Variants in JARID2 observed in about 807,000 individuals in gnomAD.
JARID2 encodes the protein jumonji and AT-rich interaction domain containing 2.
A neutral mutation model predicts 125.6 loss-of-function variants in JARID2; 21 were observed. That is an observed-to-expected ratio of 0.17 (90% confidence interval 0.12 to 0.24). JARID2 has a LOEUF of 0.24. Ranked by LOEUF, JARID2 falls within the 10% of genes least tolerant of loss-of-function variation. The pLI is 1.00. For synonymous variants in JARID2, 736 were observed against 661.6 expected (o/e 1.11, Z -1.73); for missense variants, 1,303 against 1,639.6 (o/e 0.79, Z 3.55).
intron 2 of JARID2, among the ~76,000 whole-genome samples, chr6:15,375,724 T>C (rs1224729680): frequency 6.6e-6 from 1 of 152,182 alleles, no homozygotes; most frequent in African/African-American, 2.4e-5. Context: ...TCTTGCTTGA[T>C]TAAATGTGGG....
chr6:15,504,412 G>A lies in JARID2; in HGVS notation c.2449-88G>A, dbSNP rs940781678. 1.6e-5 allele frequency: 15 copies of A among 928,492 alleles called. 1 individual carries two copies. The African/African-American group carries it at 2.3e-4, about 14-fold the overall frequency. The allele number at this position is 928,492 out of a possible 1,614,324, so 57.5% of individuals were successfully genotyped here. A position where few individuals can be genotyped will look rare whatever the true frequency, so the allele number is the denominator to read the frequency against. ...GCCCACAGCCGCAGGGACGCCAAGG[G>A]GCAGCGGCCCATGACAGGTGTCTGG... is the stretch of plus-strand genomic sequence containing the variant. On this transcript the variant is annotated intron_variant, in intron 8 of 17. Coordinates refer to ENST00000341776, the MANE Select transcript of JARID2 (RefSeq NM_004973.4).
At chr6:15,442,499 A>G (rs1430248525) in intron 3 of JARID2, among the ~76,000 whole-genome samples, 1 of 152,092 alleles carries the variant, frequency 6.6e-6, no homozygotes, top group Non-Finnish European at 1.5e-5. Context: ...CTGCCTTAAG[A>G]TCTATCTGCT....
chr6:15,386,255 C>G (rs1264678911), intron 2 of JARID2, among the ~76,000 whole-genome samples: 1 of 151,030 alleles, frequency 6.6e-6, no homozygotes, highest in Non-Finnish European at 1.5e-5. Flanking sequence ...TCTCCCTCTC[C>G]CTGTTCTTCT....
At chr6:15,284,679 G>T (rs1421622400) in intron 1 of JARID2, among the ~76,000 whole-genome samples, 1 of 151,928 alleles carries the variant, frequency 6.6e-6, no homozygotes, top group Non-Finnish European at 1.5e-5. Context: ...TAGAGACGGG[G>T]TTTTACCATA....
intron 1 of JARID2, among the ~76,000 whole-genome samples, chr6:15,252,596 GTTCAGAAGC>G (rs1288704478): frequency 6.6e-6 from 1 of 152,228 alleles, no homozygotes; most frequent in Non-Finnish European, 1.5e-5. Context: ...AATTCATGGA[GTTCAGAAGC>G]TTCTATCTTG....
At chr6:15,447,262 T>C (rs1767714592) in intron 3 of JARID2, among the ~76,000 whole-genome samples, 1 of 152,198 alleles carries the variant, frequency 6.6e-6, no homozygotes, top group African/African-American at 2.4e-5. Context: ...CTTGATTTGA[T>C]CTTTTCACCT....
chr6:15,515,751 T>TA (rs57890964), intron 16 of JARID2, among the ~76,000 whole-genome samples: 70,159 of 145,900 alleles, frequency 0.48, 18,187 homozygotes, highest in East Asian at 0.66. Context: ...CCTGTCTCTT[T>TA]AAAAAAAAAA....
chr6:15,458,145 T>C (rs1200771982), intron 4 of JARID2, among the ~76,000 whole-genome samples: 2 of 152,246 alleles, frequency 1.3e-5, no homozygotes, highest in East Asian at 3.8e-4. Flanking sequence ...CCGTATTCCC[T>C]GTCACCACTC....
At chr6:15,340,862 G>C (rs1250984736) in intron 1 of JARID2, among the ~76,000 whole-genome samples, 1 of 152,174 alleles carries the variant, frequency 6.6e-6, no homozygotes, top group Non-Finnish European at 1.5e-5. Context: ...CCTGAAGTCA[G>C]CTATGGGATT....
At chr6:15,332,930 CTTTTCTTTTTTTT>C (rs1364668354) in intron 1 of JARID2, among the ~76,000 whole-genome samples, 67 of 82,834 alleles carry the variant, frequency 8.1e-4, no homozygotes, top group South Asian at 2.3e-3. Flanking sequence ...CTTTTCTTTT[CTTTTCTTTTTTTT>C]TTTTTTTTTT....
At chr6:15,370,758 C>A (rs1581467817) in intron 1 of JARID2, among the ~76,000 whole-genome samples, 1 of 152,192 alleles carries the variant, frequency 6.6e-6, no homozygotes, top group Admixed American at 6.5e-5. Flanking sequence ...TCCTCTCCCC[C>A]ATCTTGGATA....
chr6:15,367,664 C>T (rs182674175), intron 1 of JARID2, among the ~76,000 whole-genome samples: 90 of 152,270 alleles, frequency 5.9e-4, no homozygotes, highest in African/African-American at 2.0e-3. Flanking sequence ...AAAAGTTTCA[C>T]GATTACTTCG....
chr6:15,341,483 C>T (rs1015622128), intron 1 of JARID2, among the ~76,000 whole-genome samples: 1 of 152,216 alleles, frequency 6.6e-6, no homozygotes, highest in Non-Finnish European at 1.5e-5. Flanking sequence ...TGCCAGCAAC[C>T]TTGCCTACCC....
chr6:15,335,260 C>T (rs891470184), intron 1 of JARID2, among the ~76,000 whole-genome samples: 16 of 152,174 alleles, frequency 1.1e-4, no homozygotes, highest in South Asian at 6.2e-4. Context: ...CCACTATGCC[C>T]GGCTAATTTT....
chr6:15,519,551 T>C lies in JARID2; in HGVS notation c.3559-518T>C, dbSNP rs181861031. 5.3e-5 allele frequency among the ~76,000 whole-genome samples: 8 copies of C among 152,312 alleles called. No homozygotes were observed. The East Asian group carries it at 1.5e-3, about 29-fold the overall frequency. ...GTTGTTTTTAAAAATGATATGATTA[T>C]AGGATGTACTGTGTGAAAGTTACAA... On this transcript the variant is annotated intron_variant, in intron 17 of 17. Coordinates refer to ENST00000341776, the MANE Select transcript of JARID2 (RefSeq NM_004973.4).
chr6:15,517,467 G>A (rs994608532), intron 17 of JARID2, among the ~76,000 whole-genome samples, 199 bp downstream of exon 17: 1 of 152,182 alleles, frequency 6.6e-6, no homozygotes. Flanking sequence ...GTTCCTGCAC[G>A]GGCATTTGGA....
intron 6 of JARID2, among the ~76,000 whole-genome samples, chr6:15,490,794 A>C (rs974822889): frequency 6.6e-6 from 1 of 152,244 alleles, no homozygotes; most frequent in Admixed American, 6.5e-5. Flanking sequence ...TATTTCTAGC[A>C]AGGGTTTTGA....
intron 3 of JARID2, among the ~76,000 whole-genome samples, chr6:15,418,941 A>G (rs1766361330): frequency 6.6e-6 from 1 of 152,176 alleles, no homozygotes; most frequent in African/African-American, 2.4e-5. Flanking sequence ...ACTTTTATTT[A>G]CTTCGAGTTT....
At chr6:15,519,341 T>C (rs911125009) in intron 17 of JARID2, among the ~76,000 whole-genome samples, 1 of 152,176 alleles carries the variant, frequency 6.6e-6, no homozygotes, top group Non-Finnish European at 1.5e-5. Flanking sequence ...CACCTTTAAC[T>C]TGTGATGGGA....
Sources: allele counts gnomAD v4.1 joint callset (sites outside exome capture counted in the v4.1 genomes callset), GRCh38; gene constraint gnomAD v4.1.1; transcripts MANE v1.5; gene names NCBI Gene and HGNC (gene_info 2026-07-23, HGNC 2026-07-21).